The following MKNK1 variants were observed in gnomAD, a reference collection of about 807,000 sequenced individuals.
The protein encoded by MKNK1 is MAPK interacting serine/threonine kinase 1.
MKNK1 carries 30 observed loss-of-function variants against 49.3 expected under a neutral mutation model. The ratio of observed to expected loss-of-function variants is 0.61; its 90% CI spans 0.46 to 0.83. MKNK1 has a LOEUF of 0.83. MKNK1 is among the 40% of genes least tolerant of loss of function. The probability of loss-of-function intolerance (pLI) is 0.00; values close to 1 mark genes in which losing one functional copy is unlikely to be tolerated. For missense variants in MKNK1, 423 were observed against 524.7 expected, an observed-to-expected ratio of 0.81 and a Z score of 1.89; for synonymous variants, 176 against 201.7, an observed-to-expected ratio of 0.87 and a Z score of 1.08.
At chr1:46,568,005 T>C (rs1438510255) in intron 8 of MKNK1, among the ~76,000 whole-genome samples, 1 of 151,954 alleles carries the variant, frequency 6.6e-6, no homozygotes, top group African/African-American at 2.4e-5. Context: ...GCCTGTTGTC[T>C]CAGCTACTTG....
chr1:46,583,098 C>T (rs1671987274), intron 3 of MKNK1, 130 bp downstream of exon 3: 1 of 755,478 alleles, frequency 1.3e-6, no homozygotes, highest in Non-Finnish European at 2.4e-6. Flanking sequence ...CATCTTATCT[C>T]CCTACCACAC....
intron 4 of MKNK1, among the ~76,000 whole-genome samples, chr1:46,579,425 C>G (rs1671438459): frequency 1.3e-5 from 2 of 152,186 alleles, no homozygotes; most frequent in Non-Finnish European, 2.9e-5. Context: ...TCTGGTCAAG[C>G]CACAGAGATC....
intron 7 of MKNK1, among the ~76,000 whole-genome samples, chr1:46,571,860 A>AC (rs1670209280): frequency 6.6e-6 from 1 of 152,084 alleles, no homozygotes. Flanking sequence ...CAGCTTCACC[A>AC]CCCACCCACC....
chr1:46,590,186 G>A (rs139267500), intron 2 of MKNK1, among the ~76,000 whole-genome samples: 1 of 152,312 alleles, frequency 6.6e-6, no homozygotes, highest in East Asian at 1.9e-4. Context: ...CGGAGAAAAT[G>A]ATCAGGAACT....
chr1:46,576,761 G>T, intron 4 of MKNK1, 107 bp from the exon 5 acceptor site: 1 of 959,458 alleles, frequency 1.0e-6, no homozygotes, highest in Non-Finnish European at 1.7e-6. Flanking sequence ...CAAATCCAGT[G>T]TCCAGCAGAA....
In MKNK1 at chr1:46,598,203, T is replaced by C. The variant is rs576635409; in HGVS notation, c.-170-3923A>G. Among the ~76,000 whole-genome samples the C allele has an allele frequency of 2.6e-5, 4 of 152,336 alleles. No homozygotes were observed. In the South Asian group the frequency reaches 8.3e-4, roughly 32 times the overall value. On this transcript the variant is annotated intron_variant, in intron 1 of 12. Coordinates refer to ENST00000371945, the MANE Select transcript of MKNK1 (RefSeq NM_001135553.4). ...ACCACTTTTCCAGAGATACTGTTAT[T>C]GTACTTTTGGCAAGTGAATTGGAGG...
At position 46,596,016 on chromosome 1, in the gene MKNK1, G is replaced by A. The variant is rs374091085; in HGVS notation, c.-170-1736C>T. Among the ~76,000 whole-genome samples, 71 of 152,376 alleles carry A rather than the reference G, an allele frequency of 4.7e-4. No homozygotes were observed. The South Asian group carries it at 0.013, about 28-fold the overall frequency. On this transcript the variant is annotated intron_variant, in intron 1 of 12. Transcript: ENST00000371945. Reference sequence around the variant, plus strand: ...GCCTGTCTCAGCCTCCCAAAGTGCTGGGATTATGGGCGTGAGCCACCACGC... The same window carrying A: ...GCCTGTCTCAGCCTCCCAAAGTGCTAGGATTATGGGCGTGAGCCACCACGC...
chr1:46,573,018 G>A (rs1670428977), intron 6 of MKNK1, among the ~76,000 whole-genome samples: 2 of 152,184 alleles, frequency 1.3e-5, no homozygotes, highest in South Asian at 4.1e-4. Context: ...AGTTACTAGT[G>A]CCATGTGCTA....
intron 2 of MKNK1, among the ~76,000 whole-genome samples, chr1:46,593,022 C>T (rs1673553420): frequency 2.6e-5 from 4 of 151,938 alleles, no homozygotes; most frequent in Admixed American, 2.0e-4. Context: ...GAAAACTCAC[C>T]GATCAGGCTA....
At chr1:46,572,639 G>A (rs1268321200) in intron 6 of MKNK1, among the ~76,000 whole-genome samples, 1 of 152,098 alleles carries the variant, frequency 6.6e-6, no homozygotes, top group African/African-American at 2.4e-5. Context: ...TACGGAGGAG[G>A]TACCAGCTTG....
At chr1:46,560,186 C>T in intron 12 of MKNK1, 48 bp downstream of exon 12, 4 of 1,608,350 alleles carry the variant, frequency 2.5e-6, no homozygotes, top group Non-Finnish European at 3.4e-6. Flanking sequence ...CCCATGGTGG[C>T]TGAGAGCTTG....
chr1:46,590,246 C>A (rs1274187562), intron 2 of MKNK1, among the ~76,000 whole-genome samples: 1 of 152,112 alleles, frequency 6.6e-6, no homozygotes, highest in Non-Finnish European at 1.5e-5. Context: ...GTGGCCAAGA[C>A]TAAGAAATGT....
At position 46,558,034 on chromosome 1, in the gene MKNK1, T is replaced by A. The variant is rs911833528; in HGVS notation, c.*541A>T. ...CGGAAGACTGATTTGATTTCCTGAA[T>A]GAGGAAGGCTCCTTGCCCTTCCCTG... On this transcript the variant is annotated 3_prime_UTR_variant, in exon 13 of 13. Transcript: ENST00000371945. The A allele has an allele frequency of 1.3e-5, 2 of 153,190 alleles. No individual in the cohort carries two copies. Among genetic ancestry groups the A allele is most frequent in the African/African-American group, 4.8e-5 (2 of 41,468 alleles). 9.5% of individuals were successfully genotyped at this position (153,190 alleles called of 1,614,324 possible).
chr1:46,568,677 T>C (rs1168648167), intron 7 of MKNK1, 179 bp from the exon 8 acceptor site: 1 of 621,000 alleles, frequency 1.6e-6, no homozygotes, highest in Admixed American at 2.8e-5. Flanking sequence ...AAAAGCACAG[T>C]TGATTCTGCG....
intron 6 of MKNK1, among the ~76,000 whole-genome samples, chr1:46,572,923 T>A (rs949078229): frequency 2.0e-5 from 3 of 152,170 alleles, no homozygotes; most frequent in African/African-American, 7.2e-5. Flanking sequence ...TGTAAAGGCC[T>A]GGGAAAAGGG....
At chr1:46,565,843 G>A (rs1186028985) in intron 8 of MKNK1, among the ~76,000 whole-genome samples, 2 of 152,170 alleles carry the variant, frequency 1.3e-5, no homozygotes, top group Admixed American at 1.3e-4. Flanking sequence ...CTAAATGCTG[G>A]TTCTCTGAGA....
At chr1:46,585,708 C>A (rs1360131397) in intron 2 of MKNK1, 1 of 469,924 alleles carries the variant, frequency 2.1e-6, no homozygotes, top group Non-Finnish European at 4.4e-6. Context: ...ACAGGGGACA[C>A]TCAGGCACAC....
chr1:46,575,039 G>A lies in MKNK1; in HGVS notation c.279-19C>T. The A allele has an allele frequency of 6.5e-7, 1 of 1,529,170 alleles. No homozygotes were observed. The highest frequency in any genetic ancestry group is 9.0e-7 in the Non-Finnish European group (1 of 1,105,848). 94.7% of individuals were successfully genotyped at this position (1,529,170 alleles called of 1,614,324 possible). A position where few individuals can be genotyped will look rare whatever the true frequency, so the allele number is the denominator to read the frequency against. On this transcript the variant is annotated intron_variant, in intron 5 of 12. Transcript: ENST00000371945. ...AATGTTCCTTAAATAGGGAAAATAG[G>A]AGGAGAGGGAAAAGGGGGGAAATGG...
chr1:46,597,300 C>CAA (rs11312871), intron 1 of MKNK1, among the ~76,000 whole-genome samples: 40 of 130,730 alleles, frequency 3.1e-4, no homozygotes, highest in East Asian at 4.5e-4. Context: ...CGTTTTAGAG[C>CAA]AAAAAAAAAA....
Sources: gnomAD v4.1 joint callset for allele counts (sites outside exome capture counted in the v4.1 genomes callset) on GRCh38, gnomAD v4.1.1 for gene constraint, MANE v1.5 for transcripts, NCBI Gene and HGNC (gene_info 2026-07-23, HGNC 2026-07-21) for gene names.